CTBP2: variants seen among roughly 807,000 people sequenced by gnomAD.
CTBP2 encodes C-terminal-binding protein 2.
CTBP2 carries 30 observed loss-of-function variants against 80.3 expected under a neutral mutation model. The observed-to-expected ratio is 0.37, with a 90% CI of 0.28 to 0.51. The LOEUF (loss-of-function observed/expected upper bound fraction) is 0.51, where lower values mean the gene tolerates loss of function less well. CTBP2 is among the 20% of genes least tolerant of loss of function. CTBP2 has a pLI of 0.93. For synonymous variants in CTBP2, 594 were observed against 587.4 expected (o/e 1.01, Z -0.16); for missense variants, 1,212 against 1,375.3 (o/e 0.88, Z 1.88).
chr10:125,116,517 CACAGAAGCCGAGCTGTATCAGA>C lies in CTBP2; in HGVS notation c.-205-5446_-205-5425del, dbSNP rs567668294. Among the ~76,000 whole-genome samples the C allele has an allele frequency of 2.6e-5, 4 of 152,244 alleles. No homozygotes were observed. The South Asian group carries it at 8.3e-4, about 32-fold the overall frequency. ...CCATGGGGGTGCTAAAAGTGGGACC[CACAGAAGCCGAGCTGTATCAGA>C]AGCCGAGCTAAAGCCACAGCCCTGG... On this transcript the variant is annotated intron_variant, in intron 1 of 10. Coordinates refer to the CTBP2 transcript ENST00000337195.
chr10:125,097,961 CTCTACTAAAAGT>C (rs1477952423), intron 2 of CTBP2, among the ~76,000 whole-genome samples: 2 of 152,130 alleles, frequency 1.3e-5, no homozygotes, highest in African/African-American at 4.8e-5. Flanking sequence ...GAAACCCCAT[CTCTACTAAAAGT>C]AGCTGGGTGT....
intron 2 of CTBP2, among the ~76,000 whole-genome samples, chr10:125,059,913 T>A (rs1964637227): frequency 6.6e-6 from 1 of 152,148 alleles, no homozygotes; most frequent in African/African-American, 2.4e-5. Flanking sequence ...GGGGAGACAC[T>A]TAGGATGAAA....
rs993144702 is a variant in CTBP2 at position 124,984,508 on chromosome 10, T to A, written c.*5010A>T. 1 of 413,964 alleles carries A rather than the reference T, an allele frequency of 2.4e-6. No homozygotes were observed. Among genetic ancestry groups the A allele is most frequent in the Admixed American group, 4.0e-5 (1 of 24,764 alleles). The allele number at this position is 413,964 out of a possible 1,614,324, so 25.6% of individuals were successfully genotyped here. On this transcript the variant is annotated 3_prime_UTR_variant, in exon 9 of 9. Transcript: ENST00000309035. ...CAGGATCAGTTTATTAGGACATTTG[T>A]TTTTTATTTTATCTAACAAATTACC...
At chr10:125,072,335 C>G (rs1031730557) in intron 2 of CTBP2, among the ~76,000 whole-genome samples, 1 of 151,984 alleles carries the variant, frequency 6.6e-6, no homozygotes, top group Non-Finnish European at 1.5e-5. Flanking sequence ...ATTGACGAAG[C>G]TGGGTGCAGT....
chr10:125,017,474 C>T (rs530208820), intron 1 of CTBP2, among the ~76,000 whole-genome samples: 7 of 152,304 alleles, frequency 4.6e-5, no homozygotes, highest in South Asian at 4.1e-4. Flanking sequence ...CAGGATTGCA[C>T]GGGATGCTGT....
At position 125,059,339 on chromosome 10, in the gene CTBP2, G is replaced by C. The variant is rs1161197945; in HGVS notation, c.-101-20184C>G. On this transcript the variant is annotated intron_variant, in intron 2 of 10. Coordinates refer to the CTBP2 transcript ENST00000337195. ...TTCACGCTTGGAATCCCAGCACTTT[G>C]GGAGGCTGAGGCGGGCAGGTCACTT... Among the ~76,000 whole-genome samples the C allele has an allele frequency of 2.0e-5, 3 of 152,154 alleles. No individual in the cohort carries two copies. The East Asian group carries it at 5.8e-4, about 29-fold the overall frequency.
At position 125,057,947 on chromosome 10, in the gene CTBP2, AGCCAG is replaced by A. The variant is rs529997149; in HGVS notation, c.-101-18797_-101-18793del. ...AGGCCCCCAAGAGGGTCTCACGGGA[AGCCAG>A]GCTCAGGGCCGTGGCAGGAATGAGG... is the stretch of plus-strand genomic sequence containing the variant. On this transcript the variant is annotated intron_variant, in intron 2 of 10. Transcript: ENST00000337195. Among the ~76,000 whole-genome samples, 13 of 151,772 alleles carry A rather than the reference AGCCAG, an allele frequency of 8.6e-5. No homozygotes were observed. In the East Asian group the frequency reaches 2.1e-3, roughly 25 times the overall value.
chr10:125,070,585 A>G (rs1845319592), intron 2 of CTBP2, among the ~76,000 whole-genome samples: 1 of 149,576 alleles, frequency 6.7e-6, no homozygotes, highest in South Asian at 2.1e-4. Flanking sequence ...AATAATAATA[A>G]TGATTACCAA....
chr10:125,063,450 G>C (rs1844137478), intron 2 of CTBP2, among the ~76,000 whole-genome samples: 1 of 152,136 alleles, frequency 6.6e-6, no homozygotes, highest in Admixed American at 6.5e-5. Flanking sequence ...GACACCCCAG[G>C]ATAACACCCA....
At chr10:125,034,927 G>C (rs1958694347) in intron 3 of CTBP2, among the ~76,000 whole-genome samples, 2 of 152,206 alleles carry the variant, frequency 1.3e-5, no homozygotes, top group African/African-American at 4.8e-5. Context: ...GAAAGAGCCA[G>C]AGGGACTTCT....
At chr10:125,156,183 C>A (rs1860880151) in intron 1 of CTBP2, among the ~76,000 whole-genome samples, 1 of 152,212 alleles carries the variant, frequency 6.6e-6, no homozygotes, top group Non-Finnish European at 1.5e-5. Flanking sequence ...CCCTGCCCAA[C>A]TGATAAATTT....
chr10:125,095,529 C>T (rs1849411182), intron 2 of CTBP2, among the ~76,000 whole-genome samples: 1 of 152,180 alleles, frequency 6.6e-6, no homozygotes, highest in Non-Finnish European at 1.5e-5. Context: ...CCAGGCCCCA[C>T]CACCAGGAAA....
rs563355894 is a variant in CTBP2, at chr10:125,028,024, G to C, written c.-265C>G. The stretch of plus-strand genomic sequence containing the variant: ...GTTCCTTACAGCTCAGTCCCGGAGA[G>C]GAGGCTGTCCCCAGCCTGCCAGGTC... On this transcript the variant is annotated 5_prime_UTR_variant, in exon 1 of 9. Coordinates refer to ENST00000309035, the MANE Select transcript of CTBP2 (RefSeq NM_022802.3). 2.2e-5 allele frequency: 20 copies of C among 911,936 alleles called. No individual in the cohort carries two copies. The African/African-American group carries it at 2.2e-4, about 10-fold the overall frequency. 56.5% of individuals were successfully genotyped at this position (911,936 alleles called of 1,614,324 possible).
At chr10:125,045,629 G>A (rs1177481280) in intron 2 of CTBP2, among the ~76,000 whole-genome samples, 1 of 152,110 alleles carries the variant, frequency 6.6e-6, no homozygotes, top group Non-Finnish European at 1.5e-5. Flanking sequence ...CTCCCAAGTA[G>A]CTGGGCACAA....
At chr10:125,045,457 C>G (rs1035187792) in intron 2 of CTBP2, among the ~76,000 whole-genome samples, 8 of 152,138 alleles carry the variant, frequency 5.3e-5, no homozygotes, top group African/African-American at 1.2e-4. Flanking sequence ...AAGAGGCGTA[C>G]AGGAAAATCT....
At chr10:125,065,417 C>T (rs913438501) in intron 2 of CTBP2, among the ~76,000 whole-genome samples, 1 of 152,138 alleles carries the variant, frequency 6.6e-6, no homozygotes, top group African/African-American at 2.4e-5. Flanking sequence ...CAGCTCATAC[C>T]TGACTGTCAA....
chr10:125,092,401 G>T (rs114187383), intron 2 of CTBP2, among the ~76,000 whole-genome samples: 1 of 151,908 alleles, frequency 6.6e-6, no homozygotes, highest in Non-Finnish European at 1.5e-5. Flanking sequence ...CGTTGGTCTC[G>T]AACTCCTGAC....
chr10:124,996,293 TGGC>T (rs1565024815), intron 4 of CTBP2: 1 of 151,788 alleles, frequency 6.6e-6, no homozygotes, highest in African/African-American at 2.4e-5. Context: ...TGCCCTCTCT[TGGC>T]GGCACCGTCC....
chr10:125,054,496 C>T (rs895802266), intron 2 of CTBP2, among the ~76,000 whole-genome samples: 1 of 152,198 alleles, frequency 6.6e-6, no homozygotes, highest in African/African-American at 2.4e-5. Flanking sequence ...ACCACAACCC[C>T]ACTGACATCC....
Sources: gnomAD v4.1 joint callset for allele counts (sites outside exome capture counted in the v4.1 genomes callset) on GRCh38, gnomAD v4.1.1 for gene constraint, MANE v1.5 for transcripts, NCBI Gene and HGNC (gene_info 2026-07-23, HGNC 2026-07-21) for gene names.